The following CFAP43 variants were observed in gnomAD, a reference collection of about 807,000 sequenced individuals.
The protein encoded by CFAP43 is cilia- and flagella-associated protein 43.
In CFAP43, 155 loss-of-function variants were observed where a neutral mutation model predicts 218.9. The observed-to-expected ratio is 0.71, with a 90% CI of 0.62 to 0.81. CFAP43 has a LOEUF of 0.81. CFAP43 is among the 30% of genes least tolerant of loss of function. The pLI, the probability that CFAP43 is intolerant of heterozygous loss-of-function variation, is 0.00. For missense variants in CFAP43, 1,778 were observed against 1,954.3 expected, an observed-to-expected ratio of 0.91 and a Z score of 1.70; for synonymous variants, 645 against 681.3, an observed-to-expected ratio of 0.95 and a Z score of 0.83.
intron 8 of CFAP43, among the ~76,000 whole-genome samples, chr10:104,202,775 A>ATGTTAAG (rs2090569506): frequency 6.7e-6 from 1 of 148,962 alleles, no homozygotes; most frequent in African/African-American, 2.5e-5. Flanking sequence ...CTCCATAGAT[A>ATGTTAAG]TTTTAAGTTA....
At chr10:104,219,412 T>C (rs2091115936) in intron 3 of CFAP43, among the ~76,000 whole-genome samples, 1 of 152,148 alleles carries the variant, frequency 6.6e-6, no homozygotes, top group Non-Finnish European at 1.5e-5. Flanking sequence ...TTCCTTCCAA[T>C]ATACCTTCCA....
intron 19 of CFAP43, among the ~76,000 whole-genome samples, chr10:104,173,526 T>G (rs1315035625): frequency 6.6e-6 from 1 of 152,146 alleles, no homozygotes; most frequent in Non-Finnish European, 1.5e-5. Flanking sequence ...CCCTACCTGG[T>G]GAAGTTCCCT....
In CFAP43 at chr10:104,143,802, G is replaced by T. The variant is rs965043026; in HGVS notation, c.3945-163C>A. Among the ~76,000 whole-genome samples, 5 of 152,196 alleles carry T rather than the reference G, an allele frequency of 3.3e-5. No individual in the cohort carries two copies. The East Asian group carries it at 7.7e-4, about 23-fold the overall frequency. On this transcript the variant is annotated intron_variant, in intron 31 of 37. Coordinates refer to ENST00000357060, the MANE Select transcript of CFAP43 (RefSeq NM_025145.7). ...TTCCACAGATAAAGGGATCCACTTT[G>T]CCCTTCTTCCATACTCTCCAGGTTC...
chr10:104,159,510 G>C (rs1448524456), intron 27 of CFAP43, among the ~76,000 whole-genome samples: 1 of 152,150 alleles, frequency 6.6e-6, no homozygotes, highest in Non-Finnish European at 1.5e-5. Flanking sequence ...TAATGACATT[G>C]AGTAGGTGAG....
At chr10:104,162,581 T>C (rs2088936689) in intron 24 of CFAP43, among the ~76,000 whole-genome samples, 178 bp from the exon 25 acceptor site, 1 of 151,964 alleles carries the variant, frequency 6.6e-6, no homozygotes, top group South Asian at 2.1e-4. Flanking sequence ...GTTGGAAAAA[T>C]AGATCTTTAC....
rs68153454 is a variant in CFAP43 at position 104,210,783 on chromosome 10, C to CTTTTTTTT, written c.735+1216_735+1223dup. Among the ~76,000 whole-genome samples, 77 of 75,452 alleles carry CTTTTTTTT rather than the reference C, an allele frequency of 1.0e-3. 6 individuals carry two copies. Among genetic ancestry groups the CTTTTTTTT allele is most frequent in the African/African-American group, 1.3e-3 (22 of 17,296 alleles). The allele number at this position is 75,452 out of a possible 152,430, so 49.5% of individuals were successfully genotyped here. ...TGCAGGTCCTTCCACGTGAAACACT[C>CTTTTTTTT]TTTTTTTTTTTTTTTTTTTTTTTTT... On this transcript the variant is annotated intron_variant, in intron 5 of 37. Transcript: ENST00000357060.
intron 2 of CFAP43, among the ~76,000 whole-genome samples, chr10:104,227,812 C>T (rs1436689206): frequency 6.7e-6 from 1 of 148,450 alleles, no homozygotes; most frequent in African/African-American, 2.5e-5. Context: ...TGGAATCACT[C>T]CTCTATTCTA....
intron 3 of CFAP43, among the ~76,000 whole-genome samples, chr10:104,221,204 A>C (rs2091170577): frequency 6.6e-6 from 1 of 152,060 alleles, no homozygotes; most frequent in Non-Finnish European, 1.5e-5. Context: ...CGAACTCCTG[A>C]CCTCAGGTGA....
chr10:104,132,285 G>GT (rs2087235036), intron 35 of CFAP43, 89 bp from the exon 36 acceptor site: 2 of 983,364 alleles, frequency 2.0e-6, no homozygotes, highest in Non-Finnish European at 3.0e-6. Context: ...GAAAGTTACT[G>GT]TTTTTCATAA....
At chr10:104,139,167 A>G (rs61861321) in intron 34 of CFAP43, among the ~76,000 whole-genome samples, 9,208 of 152,310 alleles carry the variant, frequency 0.06, 377 homozygotes, top group Non-Finnish European at 0.094. Flanking sequence ...TAATTACCCA[A>G]ACTGAAACAT....
At chr10:104,148,432 G>C (rs114654350) in intron 28 of CFAP43, among the ~76,000 whole-genome samples, 2,730 of 152,258 alleles carry the variant, frequency 0.018, 87 homozygotes, top group African/African-American at 0.063. Context: ...TAATGCTGTA[G>C]TTTGGATATT....
chr10:104,140,717 G>C (rs2087666398), intron 34 of CFAP43, 125 bp downstream of exon 34: 1 of 662,418 alleles, frequency 1.5e-6, no homozygotes, highest in Non-Finnish European at 2.4e-6. Context: ...GGAGGTGAAG[G>C]TGGGAGGATC....
At position 104,172,474 on chromosome 10, in the gene CFAP43, T is replaced by G. The variant is rs1008022644; in HGVS notation, c.2522A>C (p.Glu841Ala). The G allele has an allele frequency of 6.2e-7, 1 of 1,607,768 alleles. No homozygotes were observed. Among genetic ancestry groups the G allele is most frequent in the Non-Finnish European group, 8.5e-7 (1 of 1,178,308 alleles). Residue 841 changes from glutamate to alanine, a missense_variant, in exon 20 of 38, where the codon GAA (glutamate) becomes GCA (alanine). Physicochemically the swap from Glu to Ala is moderately radical, Grantham distance 107. Transcript: ENST00000357060. Reference sequence around the variant, plus strand: ...TAGTTCCTCAAGATCCAGACCAAATTCCTGTTGGTCTAATTTTGCAATATT... The same window carrying G: ...TAGTTCCTCAAGATCCAGACCAAATGCCTGTTGGTCTAATTTTGCAATATT... ...LENIAKLDQQ[E>A]FGLDLEELER...
At position 104,232,342 on chromosome 10, in the gene CFAP43, G is replaced by A. The variant is rs2091475029; in HGVS notation, c.-96C>T. ...CCGCCGCGGGGCTGCGGGCCGCGACGCCGCTGCTGTGTACACCCGTATCCC... is the reference window on the plus strand; with the variant it reads ...CCGCCGCGGGGCTGCGGGCCGCGACACCGCTGCTGTGTACACCCGTATCCC... On this transcript the variant is annotated 5_prime_UTR_variant, in exon 1 of 38. Transcript: ENST00000357060. The A allele has an allele frequency of 7.8e-7, 1 of 1,277,586 alleles. No homozygotes were observed. Among genetic ancestry groups the A allele is most frequent in the Non-Finnish European group, 1.0e-6 (1 of 953,538 alleles). The allele number at this position is 1,277,586 out of a possible 1,614,324, so 79.1% of individuals were successfully genotyped here.
At chr10:104,220,598 A>G (rs1035560434) in intron 3 of CFAP43, among the ~76,000 whole-genome samples, 23 of 152,178 alleles carry the variant, frequency 1.5e-4, no homozygotes, top group Non-Finnish European at 1.9e-4. Flanking sequence ...GAAACTTGGA[A>G]AAAAGAAAAA....
intron 17 of CFAP43, 116 bp from the exon 18 acceptor site, chr10:104,180,048 G>A: frequency 1.3e-6 from 1 of 780,208 alleles, no homozygotes; most frequent in Non-Finnish European, 2.1e-6. Flanking sequence ...TTGCATTTTT[G>A]AAAATAATCT....
chr10:104,203,853 G>C, intron 7 of CFAP43, 50 bp from the exon 8 acceptor site: 1 of 1,513,616 alleles, frequency 6.6e-7, no homozygotes, highest in Non-Finnish European at 8.8e-7. Context: ...TCAATGCATA[G>C]TATACTTGCC....
At chr10:104,204,651 A>G (rs758383407) in intron 7 of CFAP43, among the ~76,000 whole-genome samples, 10 of 152,192 alleles carry the variant, frequency 6.6e-5, no homozygotes, top group Non-Finnish European at 1.5e-5. Flanking sequence ...AAAGGCACAA[A>G]TGCTGACTAA....
rs748237291 is a variant in CFAP43, at chr10:104,230,728, G to C, written c.181C>G (p.Leu61Val). ...CCCACAATTCCATTACTACACTGCAGTACAGTCTTTTTCTTGGTTTCAATA... is the reference window on the plus strand; with the variant it reads ...CCCACAATTCCATTACTACACTGCACTACAGTCTTTTTCTTGGTTTCAATA... Reference protein sequence around the residue: ...INIETKKKTVLQCSNGIVGVM... With the variant: ...INIETKKKTVVQCSNGIVGVM... Residue 61 changes from leucine (L) to valine (V), a missense_variant, in exon 2 of 38, where the codon CTG becomes GTG. By Grantham distance (32) the Leu-to-Val change is conservative (BLOSUM62 1). This residue lies in a region of CFAP43 where 1,553 missense variants were observed against 1,685.2 expected (regional missense o/e 0.92). Transcript: ENST00000357060. 6.2e-7 allele frequency: 1 copy of C among 1,614,026 alleles called. No individual in the cohort carries two copies. Among genetic ancestry groups the C allele is most frequent in the Admixed American group, 1.7e-5 (1 of 60,012 alleles).
Sources: gnomAD v4.1 joint callset for allele counts (sites outside exome capture counted in the v4.1 genomes callset) on GRCh38, gnomAD v4.1.1 for gene constraint, gnomAD v4.1.1 regional missense constraint, MANE v1.5 for transcripts, NCBI Gene and HGNC (gene_info 2026-07-23, HGNC 2026-07-21) for gene names.